FLII: variants seen among roughly 807,000 people sequenced by gnomAD.
FLII encodes the protein FLII actin remodeling protein.
FLII carries 101 observed loss-of-function variants against 156.2 expected under a neutral mutation model. The observed-to-expected ratio is 0.65, with a 90% CI of 0.55 to 0.76. The LOEUF is 0.76. Ranked by LOEUF, FLII falls within the 30% of genes least tolerant of loss-of-function variation. The pLI, the probability that FLII is intolerant of heterozygous loss-of-function variation, is 0.00. For missense variants in FLII, 1,675 were observed against 1,682.8 expected, an observed-to-expected ratio of 1.00 and a Z score of 0.08; for synonymous variants, 767 against 685.8, an observed-to-expected ratio of 1.12 and a Z score of -1.85.
In FLII at chr17:18,246,232, G is replaced by C. The variant is rs1471298321; in HGVS notation, c.3207-10C>G. ...GTTGATCTGGATGCACCTGTGGAAG[G>C]GATGGGGCATCAGCAAGGATTCAGG... On this transcript the variant is annotated splice_polypyrimidine_tract_variant and intron_variant, in intron 24 of 29. Transcript: ENST00000327031. 6.2e-7 allele frequency: 1 copy of C among 1,613,916 alleles called. No homozygotes were observed. The highest frequency in any genetic ancestry group is 2.2e-5 in the East Asian group (1 of 44,858).
chr17:18,247,526 G>A, intron 20 of FLII, 131 bp downstream of exon 20: 3 of 1,068,936 alleles, frequency 2.8e-6, no homozygotes, highest in South Asian at 3.2e-5. Flanking sequence ...AGGGGGCGGG[G>A]CCTGGGCAGA....
At chr17:18,247,563 C>T in intron 20 of FLII, 94 bp downstream of exon 20, 2 of 1,262,416 alleles carry the variant, frequency 1.6e-6, no homozygotes, top group African/African-American at 1.5e-5. Context: ...TGGGTTTGGG[C>T]CCAGCTCTGT....
rs778026726 is a variant in FLII, at chr17:18,246,305, C to G, written c.3206+3G>C. On this transcript the variant is annotated splice_donor_region_variant and intron_variant, in intron 24 of 29. Transcript: ENST00000327031. ...GCCACTGCGTCCTCCCCCAGCCAGG[C>G]ACCGGGTGCAGAGGGCGCTGCCGTT... 6.2e-7 allele frequency: 1 copy of G among 1,613,912 alleles called. No homozygotes were observed. Among genetic ancestry groups the G allele is most frequent in the Non-Finnish European group, 8.5e-7 (1 of 1,180,030 alleles).
In FLII at chr17:18,246,698, T is replaced by C; in HGVS notation, c.2947A>G (p.Ile983Val). The C allele has an allele frequency of 1.2e-6, 2 of 1,613,654 alleles. No individual in the cohort carries two copies. Among genetic ancestry groups the C allele is most frequent in the Non-Finnish European group, 1.7e-6 (2 of 1,179,816 alleles). ...EKQPEEDFQCIVYFWQGREAS... is the reference protein window; with the variant it reads ...EKQPEEDFQCVVYFWQGREAS... ...TCACGGCCCTGCCAGAAGTACACGA[T>C]GCACTGGAAGTCCTCCTCTGGCTGC... is the stretch of plus-strand genomic sequence containing the variant. Residue 983 changes from isoleucine (I) to valine (V), a missense_variant, in exon 23 of 30, where the codon ATC becomes GTC. By Grantham distance (29) the Ile-to-Val change is conservative (BLOSUM62 3). Coordinates refer to ENST00000327031, the MANE Select transcript of FLII (RefSeq NM_002018.4).
At position 18,257,007 on chromosome 17, in the gene FLII, G is replaced by T; in HGVS notation, c.76C>A (p.Pro26Thr). 1 of 1,606,290 alleles carries T rather than the reference G, an allele frequency of 6.2e-7. No individual in the cohort carries two copies. The part of the protein sequence containing the change: ...SGNDFKGGYF[P>T]ENVKAMTSLR... ...CTGGTCATGGCCTTGACATTCTCAG[G>T]GAAGTAGCCGCCCTGGGGGAAGGAT... The change falls in exon 2 of 30, where the codon CCT becomes ACT. Residue 26 changes from proline to threonine, a missense_variant. Physicochemically the swap from Pro to Thr is conservative, Grantham distance 38. Around this residue, in one of 2 missense-constraint regions of FLII, gnomAD observed 343 missense variants for 413.5 expected, o/e 0.83. Coordinates refer to ENST00000327031, the MANE Select transcript of FLII (RefSeq NM_002018.4).
At position 18,245,044 on chromosome 17, in the gene FLII, G is replaced by A. The variant is rs755052400; in HGVS notation, c.*94C>T. 2.9e-6 allele frequency: 4 copies of A among 1,374,296 alleles called. No homozygotes were observed. Among genetic ancestry groups the A allele is most frequent in the South Asian group, 1.3e-5 (1 of 75,686 alleles). 85.1% of individuals were successfully genotyped at this position (1,374,296 alleles called of 1,614,324 possible). On this transcript the variant is annotated 3_prime_UTR_variant, in exon 30 of 30. Transcript: ENST00000327031. Reference sequence around the variant, plus strand: ...GACTGTGGCACTGGACGTGGCTGGAGCAGGTGGTGTCACCTGAGTACATTC... The same window carrying A: ...GACTGTGGCACTGGACGTGGCTGGAACAGGTGGTGTCACCTGAGTACATTC...
Position 18,254,639 on chromosome 17 carries a change from G to A in FLII, c.457C>T (p.Leu153=), listed in dbSNP as rs774529382. The A allele has an allele frequency of 6.2e-7, 1 of 1,614,060 alleles. No homozygotes were observed. Among genetic ancestry groups the A allele is most frequent in the Admixed American group, 1.7e-5 (1 of 60,012 alleles). ...PNQLFINLTD[L]LYLDLSENRL... Reference sequence around the variant, plus strand: ...TTCTCGCTGAGGTCCAGGTATAGTAGGTCAGTGAGGTTGATGAAGAGCTGG... The same window carrying A: ...TTCTCGCTGAGGTCCAGGTATAGTAAGTCAGTGAGGTTGATGAAGAGCTGG... The change falls in exon 6 of 30, where the codon CTA becomes TTA. Residue 153 remains leucine (L), a synonymous_variant. Coordinates refer to ENST00000327031, the MANE Select transcript of FLII (RefSeq NM_002018.4).
In FLII at chr17:18,258,006, A is replaced by T. The variant is rs901898888; in HGVS notation, c.63+622T>A. 6.6e-6 allele frequency among the ~76,000 whole-genome samples: 1 copy of T among 152,142 alleles called. No homozygotes were observed. The highest frequency in any genetic ancestry group is 2.4e-5 in the African/African-American group (1 of 41,416). ...GCTCCGGTCCCTTTTCTCTCAGTCCAGCAGCTGCTCAGACAACTGCCACCC... is the reference window on the plus strand; with the variant it reads ...GCTCCGGTCCCTTTTCTCTCAGTCCTGCAGCTGCTCAGACAACTGCCACCC... On this transcript the variant is annotated intron_variant, in intron 1 of 29. Coordinates refer to ENST00000327031, the MANE Select transcript of FLII (RefSeq NM_002018.4). This position sits in a 1 kb window ranked among gnomAD's most constrained non-coding sequence, Gnocchi z 4.2.
intron 13 of FLII, 92 bp from the exon 14 acceptor site, chr17:18,251,109 C>G: frequency 6.8e-7 from 1 of 1,463,204 alleles, no homozygotes; most frequent in East Asian, 2.5e-5. Context: ...CTTCCCAGCC[C>G]CAGGGGCTTT....
Position 18,245,753 on chromosome 17 carries a change from CGT to C in FLII, c.3492_3493del (p.Arg1165SerfsTer15). 1.2e-6 allele frequency: 2 copies of C among 1,613,860 alleles called. No homozygotes were observed. The highest frequency in any genetic ancestry group is 1.7e-6 in the Non-Finnish European group (2 of 1,179,860). The stretch of plus-strand genomic sequence containing the variant: ...AGGGCCCTGGCCTCACCGGAAGAGA[CGT>C]GTGTGTTTCATGTACTCGGCATCGT... On this transcript the variant is annotated frameshift_variant, in exon 27 of 30. Coordinates refer to ENST00000327031, the MANE Select transcript of FLII (RefSeq NM_002018.4). LOFTEE classifies it high-confidence loss of function.
rs745727805 is a variant in FLII at position 18,253,701 on chromosome 17, T to C, written c.698A>G (p.Asn233Ser). 21 of 1,611,588 alleles carry C rather than the reference T, an allele frequency of 1.3e-5. No individual in the cohort carries two copies. Among genetic ancestry groups the C allele is most frequent in the South Asian group, 3.3e-5 (3 of 90,944 alleles). Residue 233 changes from asparagine to serine, a missense_variant, in exon 8 of 30, where the codon AAT (asparagine) becomes AGT (serine). By Grantham distance (46) the Asn-to-Ser change is conservative. Transcript: ENST00000327031. ...SNLADVDLSC[N>S]DLTRVPECLY... ...ACACTCGGGCACCCGTGTCAGGTCA[T>C]TGCAGGACAGATCCACGTCTGGGGT...
In FLII at chr17:18,258,677, C is replaced by A; in HGVS notation, c.14G>T (p.Gly5Val). 6.6e-7 allele frequency: 1 copy of A among 1,525,576 alleles called. No individual in the cohort carries two copies. Among genetic ancestry groups the A allele is most frequent in the Non-Finnish European group, 8.7e-7 (1 of 1,145,476 alleles). The allele number at this position is 1,525,576 out of a possible 1,614,324, so 94.5% of individuals were successfully genotyped here. The change falls in exon 1 of 30, where the codon GGG (glycine) becomes GTG (valine). Residue 5 changes from glycine (G) to valine (V), a missense_variant. Physicochemically the swap from Gly to Val is moderately radical, Grantham distance 109. This residue lies in a region of FLII where 343 missense variants were observed against 413.5 expected (regional missense o/e 0.83). Transcript: ENST00000327031. This position sits in a 1 kb window ranked among gnomAD's most constrained non-coding sequence, Gnocchi z 4.2. ...CACGCCACGCACGAACGGCAGCACC[C>A]CGGTGGCCTCCATGGCGCCGCTCTC... MEAT[G>V]VLPFVRGVDL...
rs1567708327 is a variant in FLII, at chr17:18,247,814, A to AT, written c.2329dup (p.Ile777AsnfsTer100). The AT allele has an allele frequency of 6.2e-7, 1 of 1,613,382 alleles. No homozygotes were observed. Among genetic ancestry groups the AT allele is most frequent in the Non-Finnish European group, 8.5e-7 (1 of 1,180,006 alleles). On this transcript the variant is annotated frameshift_variant, in exon 20 of 30. Coordinates refer to ENST00000327031, the MANE Select transcript of FLII (RefSeq NM_002018.4). LOFTEE classifies it high-confidence loss of function. ...GAACACGTCGGACCAACAGTCCAGA[A>AT]TGTACACGCAGCGCGTGTCCAGCAG... is the stretch of plus-strand genomic sequence containing the variant.
At position 18,256,578 on chromosome 17, in the gene FLII, T is replaced by C. The variant is rs2048424604; in HGVS notation, c.194A>G (p.His65Arg). The change falls in exon 3 of 30, where the codon CAC becomes CGC. Residue 65 changes from histidine to arginine, a missense_variant. Around this residue, in one of 2 missense-constraint regions of FLII, gnomAD observed 343 missense variants for 413.5 expected, o/e 0.83. Transcript: ENST00000327031. ...LQKLEHLSVS[H>R]NNLTTLHGEL... ...CCCATGAAGCGTGGTCAGGTTGTTG[T>C]GGCTCACAGACAAGTGTTCCTGGGC... 1 of 1,551,694 alleles carries C rather than the reference T, an allele frequency of 6.4e-7. No homozygotes were observed.
At position 18,253,501 on chromosome 17, in the gene FLII, C is replaced by G. The variant is rs2048328933; in HGVS notation, c.855+43G>C. The G allele has an allele frequency of 8.1e-6, 13 of 1,613,414 alleles. No individual in the cohort carries two copies. The East Asian group carries it at 2.9e-4, about 36-fold the overall frequency. ...AGGGGTGGGAGGTCAGGGCCAGGCT[C>G]ACGGCCTTCCTCCCATCCCCCTACT... On this transcript the variant is annotated intron_variant, in intron 8 of 29. Coordinates refer to ENST00000327031, the MANE Select transcript of FLII (RefSeq NM_002018.4).
rs376804694 is a variant in FLII at position 18,252,069 on chromosome 17, G to C, written c.1176C>G (p.Ile392Met). The C allele has an allele frequency of 1.2e-6, 2 of 1,613,424 alleles. No homozygotes were observed. The highest frequency in any genetic ancestry group is 3.3e-5 in the Admixed American group (2 of 60,030). Residue 392 changes from isoleucine (I) to methionine (M), a missense_variant, in exon 11 of 30, where the codon ATC (isoleucine) becomes ATG (methionine). Ile to Met is a conservative substitution (Grantham distance 10, BLOSUM62 1). This residue lies in a region of FLII where 1,332 missense variants were observed against 1,269.3 expected (regional missense o/e 1.05). Transcript: ENST00000327031. ...PADRAAEWYN[I>M]DFSLQNQLRL... is the part of the protein sequence containing the mutation. ...GCAGCTGGTTCTGCAGCGAGAAGTCGATGTTGTACCACTCAGCGGCACGGT... is the reference window on the plus strand; with the variant it reads ...GCAGCTGGTTCTGCAGCGAGAAGTCCATGTTGTACCACTCAGCGGCACGGT...
chr17:18,245,443 C>A (rs777359088), intron 28 of FLII, 24 bp from the exon 29 acceptor site: 28 of 1,613,622 alleles, frequency 1.7e-5, no homozygotes, highest in South Asian at 1.2e-4. Flanking sequence ...AGGGGAGATA[C>A]GGTTGCATGG....
chr17:18,245,906 G>A (rs1597895321), intron 26 of FLII, 28 bp downstream of exon 26: 1 of 1,613,998 alleles, frequency 6.2e-7, no homozygotes. Context: ...TCCTCTGTGT[G>A]TGCCCGCCTG....
intron 1 of FLII, among the ~76,000 whole-genome samples, chr17:18,257,473 C>T (rs1446180107): frequency 2.0e-5 from 3 of 152,258 alleles, no homozygotes; most frequent in Non-Finnish European, 4.4e-5. Flanking sequence ...CCCTTGCTTG[C>T]GGAGACCGTG....
Sources: allele counts gnomAD v4.1 joint callset (sites outside exome capture counted in the v4.1 genomes callset), GRCh38; gene constraint gnomAD v4.1.1; regional missense constraint gnomAD v4.1.1; non-coding constraint Gnocchi (gnomAD v3.1); transcripts MANE v1.5; gene names NCBI Gene and HGNC (gene_info 2026-07-23, HGNC 2026-07-21).